The following FCHSD2 variants were observed in gnomAD, a reference collection of about 807,000 sequenced individuals.
FCHSD2 encodes F-BAR and double SH3 domains protein 2.
Under a neutral mutation model 108.1 loss-of-function variants are expected in FCHSD2, and 38 were observed. That is an observed-to-expected ratio of 0.35 (90% CI 0.27 to 0.46). The LOEUF (loss-of-function observed/expected upper bound fraction) is 0.46. Among genes scored for constraint, FCHSD2 ranks in the 20% least tolerant of loss-of-function variants. The pLI is 1.00. For synonymous variants in FCHSD2, 279 were observed against 314.7 expected, an observed-to-expected ratio of 0.89 and a Z score of 1.20; for missense variants, 751 against 897.8, an observed-to-expected ratio of 0.84 and a Z score of 2.09.
At chr11:72,871,753 ATTTT>A (rs35295400) in intron 12 of FCHSD2, among the ~76,000 whole-genome samples, 16 of 132,826 alleles carry the variant, frequency 1.2e-4, no homozygotes, top group Non-Finnish European at 8.0e-5. Flanking sequence ...TTGGTACATA[ATTTT>A]TTTTTTTTTT....
At chr11:72,899,564 C>T (rs879077252) in intron 10 of FCHSD2, among the ~76,000 whole-genome samples, 57 of 151,774 alleles carry the variant, frequency 3.8e-4, no homozygotes, top group African/African-American at 1.3e-3. Context: ...GACATCCCCT[C>T]TCTACCAAAA....
rs1425889115 is a variant in FCHSD2 at position 73,102,654 on chromosome 11, G to A, written c.120-18914C>T. ...GGCCATGAGGGCTCTGCCCTCATAG[G>A]GGTGAGATTAATGCCATTATAAAAG... On this transcript the variant is annotated intron_variant, in intron 2 of 19. Transcript: ENST00000409418. Among the ~76,000 whole-genome samples the A allele has an allele frequency of 4.6e-5, 7 of 152,298 alleles. No individual in the cohort carries two copies. The East Asian group carries it at 1.2e-3, about 25-fold the overall frequency.
intron 5 of FCHSD2, among the ~76,000 whole-genome samples, chr11:72,989,800 C>G (rs1365934552): frequency 6.6e-6 from 1 of 152,196 alleles, no homozygotes; most frequent in African/African-American, 2.4e-5. Flanking sequence ...CACTTTGAAA[C>G]AAACCAATTA....
At chr11:73,096,987 A>ATGTTTTTTTTTT (rs1860096435) in intron 2 of FCHSD2, among the ~76,000 whole-genome samples, 1 of 27,020 alleles carries the variant, frequency 3.7e-5, no homozygotes, top group African/African-American at 2.0e-4. Context: ...TCATTGATGG[A>ATGTTTTTTTTTT]TTTTTTTTTT....
At chr11:72,845,459 AAAC>A (rs1476572259) in intron 14 of FCHSD2, among the ~76,000 whole-genome samples, 7,742 of 29,664 alleles carry the variant, frequency 0.26, 860 homozygotes, top group South Asian at 0.32. Flanking sequence ...AAAAAAAAAA[AAAC>A]AACAACAAAC....
chr11:72,917,787 C>A (rs1565322232), intron 9 of FCHSD2, among the ~76,000 whole-genome samples: 1 of 152,022 alleles, frequency 6.6e-6, no homozygotes, highest in South Asian at 2.1e-4. Flanking sequence ...ACTTGGGATG[C>A]TGAGGCAGGA....
chr11:73,010,857 A>G (rs1167337135), intron 4 of FCHSD2, among the ~76,000 whole-genome samples: 1 of 152,162 alleles, frequency 6.6e-6, no homozygotes, highest in Non-Finnish European at 1.5e-5. Flanking sequence ...TAGTGGCAGC[A>G]GTGAGCTGGG....
intron 2 of FCHSD2, among the ~76,000 whole-genome samples, chr11:73,130,108 T>C (rs1274912142): frequency 6.6e-6 from 1 of 152,012 alleles, no homozygotes; most frequent in Non-Finnish European, 1.5e-5. Context: ...TCTCCTGATC[T>C]CGTGATCCGC....
intron 3 of FCHSD2, among the ~76,000 whole-genome samples, chr11:73,068,813 T>TAA (rs1237723120): frequency 0.094 from 7,826 of 82,954 alleles, 357 homozygotes; most frequent in South Asian, 0.16. Flanking sequence ...CTACAAAAAG[T>TAA]AAAAAAAAAA....
intron 5 of FCHSD2, among the ~76,000 whole-genome samples, chr11:72,992,456 C>T (rs1239631302): frequency 4.6e-5 from 7 of 152,174 alleles, no homozygotes; most frequent in Non-Finnish European, 1.0e-4. Flanking sequence ...CCAAGTCAAT[C>T]CTAAGCCAAA....
chr11:72,945,256 C>T (rs1205743560), intron 8 of FCHSD2, among the ~76,000 whole-genome samples: 2 of 152,158 alleles, frequency 1.3e-5, no homozygotes, highest in African/African-American at 2.4e-5. Context: ...ATATCTACAA[C>T]TATCTGATCT....
intron 11 of FCHSD2, 87 bp from the exon 12 acceptor site, chr11:72,887,661 G>T: frequency 1.3e-5 from 10 of 778,394 alleles, no homozygotes; most frequent in South Asian, 4.3e-5. Flanking sequence ...AATTCAAAGG[G>T]CTTTAGTGAC....
rs538033149 is a variant in FCHSD2 at position 73,025,518 on chromosome 11, T to C, written c.166-9633A>G. Among the ~76,000 whole-genome samples, 467 of 152,012 alleles carry C rather than the reference T, an allele frequency of 3.1e-3. 1 individual carries two copies. Among genetic ancestry groups the C allele is most frequent in the African/African-American group, 0.011 (447 of 41,434 alleles). On this transcript the variant is annotated intron_variant, in intron 3 of 19. Transcript: ENST00000409418. ...GTGGAGGGTGGGAGGAGGGAGATAATGAGAAAAAAATAACTAATGGGTACT... is the reference window on the plus strand; with the variant it reads ...GTGGAGGGTGGGAGGAGGGAGATAACGAGAAAAAAATAACTAATGGGTACT...
intron 3 of FCHSD2, among the ~76,000 whole-genome samples, chr11:73,045,245 G>C (rs536427759): frequency 3.3e-4 from 49 of 149,862 alleles, no homozygotes; most frequent in African/African-American, 1.2e-3. Context: ...TTAGAATGGC[G>C]ATCATTAAAA....
intron 10 of FCHSD2, among the ~76,000 whole-genome samples, chr11:72,895,520 A>G (rs1288474125): frequency 6.6e-6 from 1 of 152,180 alleles, no homozygotes; most frequent in Non-Finnish European, 1.5e-5. Context: ...AAGAGCTATA[A>G]TCACAAGCTA....
At chr11:72,865,425 GA>G (rs1565295082) in intron 13 of FCHSD2, among the ~76,000 whole-genome samples, 1 of 152,162 alleles carries the variant, frequency 6.6e-6, no homozygotes, top group African/African-American at 2.4e-5. Flanking sequence ...TAAGAGTGAT[GA>G]GGGGGAAGAA....
chr11:72,870,892 TC>T (rs1271107574), intron 12 of FCHSD2, among the ~76,000 whole-genome samples: 2 of 67,756 alleles, frequency 3.0e-5, no homozygotes, highest in Non-Finnish European at 5.1e-5. Context: ...AGTGCGAGAC[TC>T]CGTCTCAAAA....
At chr11:73,002,364 G>A (rs1212382254) in intron 4 of FCHSD2, among the ~76,000 whole-genome samples, 1 of 152,108 alleles carries the variant, frequency 6.6e-6, no homozygotes, top group Admixed American at 6.6e-5. Flanking sequence ...TCAATGTGTT[G>A]CACCAGCAAA....
At chr11:72,925,597 G>C (rs989751785) in intron 8 of FCHSD2, among the ~76,000 whole-genome samples, 2 of 152,108 alleles carry the variant, frequency 1.3e-5, no homozygotes, top group Non-Finnish European at 2.9e-5. Context: ...TTGTTGCCAC[G>C]GTGTATTTCA....
Sources: allele counts gnomAD v4.1 joint callset (sites outside exome capture counted in the v4.1 genomes callset), GRCh38; gene constraint gnomAD v4.1.1; transcripts MANE v1.5; gene names NCBI Gene and HGNC (gene_info 2026-07-23, HGNC 2026-07-21).